Variants in PTPRT observed in about 807,000 individuals in gnomAD.
PTPRT encodes protein tyrosine phosphatase receptor type T.
PTPRT carries 56 observed loss-of-function variants against 176.8 expected under a neutral mutation model. The ratio of observed to expected loss-of-function variants is 0.32; its 90% CI spans 0.26 to 0.40. The LOEUF (loss-of-function observed/expected upper bound fraction) is 0.40, where lower values mean the gene tolerates loss of function less well. Ranked by LOEUF, PTPRT falls within the 10% of genes least tolerant of loss-of-function variation. PTPRT has a pLI of 1.00. For missense variants in PTPRT, 1,540 were observed against 1,908.2 expected (o/e 0.81, Z 3.60); for synonymous variants, 783 against 739.0 (o/e 1.06, Z -0.96).
chr20:42,242,693 A>G (rs968168262), intron 14 of PTPRT, among the ~76,000 whole-genome samples: 1 of 152,140 alleles, frequency 6.6e-6, no homozygotes, highest in African/African-American at 2.4e-5. Flanking sequence ...AAAACTAAGA[A>G]AAAAATAGAA....
intron 7 of PTPRT, among the ~76,000 whole-genome samples, chr20:42,476,784 G>A (rs1601095715): frequency 6.6e-6 from 1 of 152,278 alleles, no homozygotes; most frequent in Non-Finnish European, 1.5e-5. Context: ...CTTAGCACTT[G>A]TGTCCTAAAA....
intron 9 of PTPRT, among the ~76,000 whole-genome samples, chr20:42,412,567 A>G (rs1438149787): frequency 3.3e-5 from 5 of 152,224 alleles, no homozygotes; most frequent in Admixed American, 3.3e-4. Context: ...ATCCAAGAGA[A>G]ATAAAAATGT....
intron 1 of PTPRT, among the ~76,000 whole-genome samples, chr20:42,956,408 TTGCTCCTACTCTAGCCGTGTGAGACACC>T (rs553342437): frequency 0.085 from 12,873 of 151,516 alleles, 1,129 homozygotes; most frequent in African/African-American, 0.22. Context: ...ACTCTCTCTC[TTGCTCCTACTCTAGCCGTGTGAGACACC>T]TGCTCCTACT....
intron 9 of PTPRT, among the ~76,000 whole-genome samples, chr20:42,394,478 T>C (rs1237444050): frequency 6.6e-6 from 1 of 152,174 alleles, no homozygotes; most frequent in Non-Finnish European, 1.5e-5. Flanking sequence ...ATGGCAGCTA[T>C]CTTCTGACCA....
chr20:42,349,026 A>G (rs2058237770), intron 11 of PTPRT, among the ~76,000 whole-genome samples: 1 of 152,234 alleles, frequency 6.6e-6, no homozygotes, highest in Non-Finnish European at 1.5e-5. Flanking sequence ...TTCAGACTAC[A>G]TAGGAACTTC....
At chr20:42,882,974 T>C (rs1044464100) in intron 2 of PTPRT, among the ~76,000 whole-genome samples, 14 of 152,312 alleles carry the variant, frequency 9.2e-5, no homozygotes, top group African/African-American at 3.4e-4. Flanking sequence ...ATTCTGGCAA[T>C]TGGCAGAAGC....
chr20:42,767,977 T>TACAC (rs35599788), intron 5 of PTPRT, among the ~76,000 whole-genome samples: 6,974 of 125,184 alleles, frequency 0.056, 228 homozygotes, highest in Middle Eastern at 0.12. Context: ...TATAAAATTA[T>TACAC]ACACACACAC....
intron 13 of PTPRT, chr20:42,270,506 AG>A: frequency 6.7e-7 from 1 of 1,502,398 alleles, no homozygotes; most frequent in Non-Finnish European, 9.1e-7. Flanking sequence ...AAGGAGAGAA[AG>A]AAACACACAT....
intron 1 of PTPRT, among the ~76,000 whole-genome samples, chr20:43,022,614 G>A (rs1985734747): frequency 6.6e-6 from 1 of 152,168 alleles, no homozygotes; most frequent in African/African-American, 2.4e-5. Context: ...TGAGCATGCT[G>A]GGAAGAGGAG....
At position 42,355,104 on chromosome 20, in the gene PTPRT, C is replaced by T. The variant is rs1015972809; in HGVS notation, c.1561-2819G>A. On this transcript the variant is annotated intron_variant, in intron 9 of 30. Transcript: ENST00000373187. ...ATCTGCCTCTCTGTTTGAGGACTTT[C>T]TCCATGGGTGCTTGCTGGGAATGGG... 3.9e-5 allele frequency among the ~76,000 whole-genome samples: 6 copies of T among 152,144 alleles called. No homozygotes were observed. The East Asian group carries it at 9.7e-4, about 25-fold the overall frequency.
Position 42,100,937 on chromosome 20 carries a change from G to T in PTPRT, c.3714+1187C>A, listed in dbSNP as rs1225093778. 2.6e-5 allele frequency among the ~76,000 whole-genome samples: 4 copies of T among 152,304 alleles called. No homozygotes were observed. In the South Asian group the frequency reaches 6.2e-4, roughly 24 times the overall value. Reference sequence around the variant, plus strand: ...GGCAGGCCCCTAGAGAGCTGGGATAGGCATTGACCTTCCATCATCACCCTC... The same window carrying T: ...GGCAGGCCCCTAGAGAGCTGGGATATGCATTGACCTTCCATCATCACCCTC... On this transcript the variant is annotated intron_variant, in intron 26 of 30. Transcript: ENST00000373187.
intron 1 of PTPRT, among the ~76,000 whole-genome samples, chr20:42,996,854 A>G (rs137970563): frequency 4.6e-5 from 7 of 152,344 alleles, no homozygotes; most frequent in African/African-American, 1.7e-4. Context: ...AAATGGGAAC[A>G]ATAGTATCTA....
intron 1 of PTPRT, among the ~76,000 whole-genome samples, chr20:43,147,602 C>A (rs1349463239): frequency 6.6e-6 from 1 of 152,194 alleles, no homozygotes; most frequent in African/African-American, 2.4e-5. Context: ...ACACATCCCA[C>A]AGCCTCTTGT....
At position 42,423,959 on chromosome 20, in the gene PTPRT, TAACTGATA is replaced by T. The variant is rs925368408; in HGVS notation, c.1560+24253_1560+24260del. 6.6e-5 allele frequency among the ~76,000 whole-genome samples: 10 copies of T among 152,294 alleles called. No homozygotes were observed. The East Asian group carries it at 1.9e-3, about 29-fold the overall frequency. Reference sequence around the variant, plus strand: ...AATGAAACAAAAGTAAGATTCTGAGTAACTGATAATTTGTTTTCTGTTACTACATTTTA... The same window carrying T: ...AATGAAACAAAAGTAAGATTCTGAGTATTTGTTTTCTGTTACTACATTTTA... On this transcript the variant is annotated intron_variant, in intron 9 of 30. Transcript: ENST00000373187.
At chr20:43,023,405 T>C (rs1208789093) in intron 1 of PTPRT, among the ~76,000 whole-genome samples, 1 of 152,190 alleles carries the variant, frequency 6.6e-6, no homozygotes, top group African/African-American at 2.4e-5. Context: ...GTAAACCAAG[T>C]GCTCATCCCC....
In PTPRT at chr20:42,088,396, C is replaced by T. The variant is rs192905241; in HGVS notation, c.3847-2543G>A. Among the ~76,000 whole-genome samples, 440 of 152,234 alleles carry T rather than the reference C, an allele frequency of 2.9e-3. 3 individuals carry two copies. The highest frequency in any genetic ancestry group is 0.01 in the African/African-American group (420 of 41,528). On this transcript the variant is annotated intron_variant, in intron 27 of 30. Coordinates refer to ENST00000373187, the MANE Select transcript of PTPRT (RefSeq NM_007050.6). ...GGGTGCTTGCTCTCCACTTCGTGGCCGAAGAACAGCCATCTCACCCTGAGA... is the reference window on the plus strand; with the variant it reads ...GGGTGCTTGCTCTCCACTTCGTGGCTGAAGAACAGCCATCTCACCCTGAGA...
chr20:42,338,695 C>G (rs1364523193), intron 11 of PTPRT, among the ~76,000 whole-genome samples: 2 of 152,054 alleles, frequency 1.3e-5, no homozygotes, highest in Non-Finnish European at 2.9e-5. Flanking sequence ...CTTTTTCTAA[C>G]TCTGTTTCTC....
At chr20:43,077,309 C>G (rs1345632108) in intron 1 of PTPRT, among the ~76,000 whole-genome samples, 1 of 152,178 alleles carries the variant, frequency 6.6e-6, no homozygotes, top group African/African-American at 2.4e-5. Context: ...ACTTGTCAAT[C>G]TGAAAACAGG....
chr20:42,966,247 T>C (rs1003124746), intron 1 of PTPRT: 8 of 152,224 alleles, frequency 5.3e-5, no homozygotes, highest in African/African-American at 1.9e-4. Context: ...TTTTCTAACA[T>C]GCTTGCCAAC....
Sources: allele counts gnomAD v4.1 joint callset (sites outside exome capture counted in the v4.1 genomes callset), GRCh38; gene constraint gnomAD v4.1.1; transcripts MANE v1.5; gene names NCBI Gene and HGNC (gene_info 2026-07-23, HGNC 2026-07-21).